NEGR1: variants seen among roughly 807,000 people sequenced by gnomAD.
The protein encoded by NEGR1 is IgLON family member 4.
Under a neutral mutation model 40.9 loss-of-function variants are expected in NEGR1, and 10 were observed. That is an observed-to-expected ratio of 0.24 (90% CI 0.15 to 0.42). The LOEUF (loss-of-function observed/expected upper bound fraction) is 0.42, where lower values mean the gene tolerates loss of function less well. Ranked by LOEUF, NEGR1 falls within the 10% of genes least tolerant of loss-of-function variation. The pLI is 1.00. For missense variants in NEGR1, 352 were observed against 438.9 expected (o/e 0.80, Z 1.77); for synonymous variants, 185 against 166.8 (o/e 1.11, Z -0.84).
intron 1 of NEGR1, among the ~76,000 whole-genome samples, chr1:71,993,859 T>C (rs1646477247): frequency 6.6e-6 from 1 of 152,172 alleles, no homozygotes; most frequent in Non-Finnish European, 1.5e-5. Flanking sequence ...AGTTTCTACT[T>C]GAGAGAGTAA....
intron 2 of NEGR1, among the ~76,000 whole-genome samples, chr1:71,927,930 T>A (rs1468712167): frequency 7.1e-6 from 1 of 140,680 alleles, no homozygotes; most frequent in Non-Finnish European, 1.5e-5. Flanking sequence ...GCCAGGGAGG[T>A]TGAGGCTGCA....
chr1:71,988,430 T>G (rs1464683984), intron 1 of NEGR1, among the ~76,000 whole-genome samples: 3 of 150,450 alleles, frequency 2.0e-5, no homozygotes. Flanking sequence ...TCCCAGCTAC[T>G]TGGGAGGCTG....
At chr1:71,429,070 A>T (rs1015520010) in intron 6 of NEGR1, among the ~76,000 whole-genome samples, 1 of 152,162 alleles carries the variant, frequency 6.6e-6, no homozygotes, top group East Asian at 1.9e-4. Flanking sequence ...TAAATACATA[A>T]TTTTTTAGTT....
chr1:71,632,625 T>A (rs1159347175), intron 4 of NEGR1, among the ~76,000 whole-genome samples: 1 of 151,784 alleles, frequency 6.6e-6, no homozygotes, highest in Non-Finnish European at 1.5e-5. Flanking sequence ...CCACTATTAA[T>A]AATTATGCTA....
intron 6 of NEGR1, among the ~76,000 whole-genome samples, chr1:71,420,123 C>T (rs570269399): frequency 3.3e-5 from 5 of 152,150 alleles, no homozygotes; most frequent in Admixed American, 3.3e-4. Context: ...GCATTCCCTG[C>T]ATTAATAAAT....
chr1:71,864,158 G>A (rs1208186732), intron 2 of NEGR1, among the ~76,000 whole-genome samples: 1 of 152,146 alleles, frequency 6.6e-6, no homozygotes, highest in Non-Finnish European at 1.5e-5. Flanking sequence ...GCCGTCTTAG[G>A]GAGAGGTCGC....
intron 2 of NEGR1, among the ~76,000 whole-genome samples, chr1:71,816,013 G>C (rs756167547): frequency 1.3e-5 from 2 of 152,024 alleles, no homozygotes; most frequent in Non-Finnish European, 2.9e-5. Context: ...ATTTCAAGGT[G>C]CATCAATAAA....
At chr1:72,030,050 C>G (rs117801288) in intron 1 of NEGR1, among the ~76,000 whole-genome samples, 1 of 151,650 alleles carries the variant, frequency 6.6e-6, no homozygotes, top group Non-Finnish European at 1.5e-5. Flanking sequence ...AATCTTACAG[C>G]TTTGCAAACA....
intron 2 of NEGR1, chr1:71,798,328 C>T (rs1657416220): frequency 6.6e-6 from 1 of 151,640 alleles, no homozygotes; most frequent in African/African-American, 2.4e-5. Context: ...ATCCTCTTAA[C>T]TGAGAAATAA....
chr1:71,971,126 T>A lies in NEGR1; in HGVS notation c.177-35815A>T, dbSNP rs1456579597. ...GGACACATGAAGACAAAGGCAGAGATTCGATGCTACAAACCAAAGAATGTG... is the reference window on the plus strand; with the variant it reads ...GGACACATGAAGACAAAGGCAGAGAATCGATGCTACAAACCAAAGAATGTG... On this transcript the variant is annotated intron_variant, in intron 1 of 6. Coordinates refer to ENST00000357731, the MANE Select transcript of NEGR1 (RefSeq NM_173808.3). 2.0e-5 allele frequency among the ~76,000 whole-genome samples: 3 copies of A among 152,144 alleles called. No homozygotes were observed. In the East Asian group the frequency reaches 5.8e-4, roughly 29 times the overall value.
intron 2 of NEGR1, among the ~76,000 whole-genome samples, chr1:71,800,822 C>T (rs926347645): frequency 1.3e-5 from 2 of 152,126 alleles, no homozygotes; most frequent in African/African-American, 4.8e-5. Context: ...ATTCCCATAG[C>T]ATGTGTTATA....
intron 1 of NEGR1, among the ~76,000 whole-genome samples, chr1:72,105,314 C>T (rs978622387): frequency 5.3e-5 from 8 of 152,068 alleles, no homozygotes; most frequent in African/African-American, 1.9e-4. Flanking sequence ...TTCCTTCACA[C>T]TTCAGTAGAA....
At chr1:71,605,784 T>C (rs1263942372) in intron 5 of NEGR1, among the ~76,000 whole-genome samples, 1 of 152,218 alleles carries the variant, frequency 6.6e-6, no homozygotes, top group Middle Eastern at 3.2e-3. Context: ...AGCCCATTGA[T>C]ACTCTTCATT....
At chr1:72,022,282 TATATATATATATATATATAC>T (rs1184404519) in intron 1 of NEGR1, among the ~76,000 whole-genome samples, 1 of 114,428 alleles carries the variant, frequency 8.7e-6, no homozygotes, top group African/African-American at 3.3e-5. Flanking sequence ...TATATATATA[TATATATATATATATATATAC>T]ACGAATATCC....
intron 1 of NEGR1, among the ~76,000 whole-genome samples, chr1:72,051,174 T>G (rs1647056579): frequency 6.6e-6 from 1 of 151,490 alleles, no homozygotes; most frequent in African/African-American, 2.4e-5. Flanking sequence ...CAGAGACATA[T>G]AATTAGTGTG....
intron 1 of NEGR1, among the ~76,000 whole-genome samples, chr1:71,942,145 T>A (rs952148837): frequency 1.8e-4 from 28 of 151,496 alleles, no homozygotes; most frequent in Admixed American, 5.9e-4. Flanking sequence ...AGAATTCTAT[T>A]TTCTATGTAT....
chr1:71,903,445 T>C (rs748749436), intron 2 of NEGR1, among the ~76,000 whole-genome samples: 4 of 152,008 alleles, frequency 2.6e-5, no homozygotes, highest in African/African-American at 7.2e-5. Context: ...AAGAGTTGTA[T>C]GTAATGATAG....
intron 4 of NEGR1, among the ~76,000 whole-genome samples, chr1:71,613,394 C>A (rs1650330065): frequency 6.6e-6 from 1 of 152,078 alleles, no homozygotes; most frequent in South Asian, 2.1e-4. Context: ...CACCTATAAT[C>A]CCAGCACTTT....
chr1:71,546,458 C>T (rs1647899501), intron 6 of NEGR1, among the ~76,000 whole-genome samples: 1 of 151,550 alleles, frequency 6.6e-6, no homozygotes, highest in Non-Finnish European at 1.5e-5. Flanking sequence ...AACATAAAAA[C>T]TTAAAATTTT....
Sources: allele counts gnomAD v4.1 joint callset (sites outside exome capture counted in the v4.1 genomes callset), GRCh38; gene constraint gnomAD v4.1.1; transcripts MANE v1.5; gene names NCBI Gene and HGNC (gene_info 2026-07-23, HGNC 2026-07-21).